The following TRAF3 variants were observed in gnomAD, a reference collection of about 807,000 sequenced individuals.
TRAF3 encodes TNF receptor associated factor 3.
A neutral mutation model predicts 62.3 loss-of-function variants in TRAF3; 13 were observed. That is an observed-to-expected ratio of 0.21 (90% CI 0.14 to 0.33). TRAF3 has a LOEUF of 0.33. Among genes scored for constraint, TRAF3 ranks in the 10% least tolerant of loss-of-function variants. The pLI, the probability that TRAF3 is intolerant of heterozygous loss-of-function variation, is 1.00. For synonymous variants in TRAF3, 269 were observed against 283.4 expected, an observed-to-expected ratio of 0.95 and a Z score of 0.51; for missense variants, 440 against 741.8, an observed-to-expected ratio of 0.59 and a Z score of 4.73.
At chr14:102,886,351 C>A in intron 7 of TRAF3, 82 bp downstream of exon 7, 1 of 1,256,736 alleles carries the variant, frequency 8.0e-7, no homozygotes, top group Non-Finnish European at 1.1e-6. Context: ...ATAGCCGAAG[C>A]CTCACGTTTT....
At chr14:102,800,270 A>G (rs777898763) in intron 1 of TRAF3, among the ~76,000 whole-genome samples, 7 of 152,214 alleles carry the variant, frequency 4.6e-5, no homozygotes, top group Non-Finnish European at 8.8e-5. Context: ...CAGGAGCCCC[A>G]GTGCTTTAGG....
At chr14:102,846,681 T>A (rs1005974603) in intron 2 of TRAF3, among the ~76,000 whole-genome samples, 1 of 139,872 alleles carries the variant, frequency 7.1e-6, no homozygotes, top group African/African-American at 2.8e-5. Context: ...CCGGACACGG[T>A]GGCATCCTCC....
At chr14:102,832,212 A>T (rs140126593) in intron 2 of TRAF3, among the ~76,000 whole-genome samples, 11 of 152,188 alleles carry the variant, frequency 7.2e-5, no homozygotes, top group African/African-American at 2.7e-4. Context: ...ATAAACTCAC[A>T]GTTATCTTTT....
At chr14:102,858,308 C>T (rs957959963) in intron 2 of TRAF3, among the ~76,000 whole-genome samples, 6 of 152,144 alleles carry the variant, frequency 3.9e-5, no homozygotes, top group Admixed American at 2.6e-4. Context: ...CGCACCACCA[C>T]GCCCAGCTAA....
chr14:102,881,959 C>T (rs1595391593), intron 6 of TRAF3, among the ~76,000 whole-genome samples: 1 of 152,170 alleles, frequency 6.6e-6, no homozygotes, highest in Non-Finnish European at 1.5e-5. Flanking sequence ...TGGCGTCAGA[C>T]CCTGCCCTGG....
intron 11 of TRAF3, among the ~76,000 whole-genome samples, chr14:102,904,683 G>A (rs1352751909): frequency 9.9e-5 from 15 of 152,096 alleles, no homozygotes; most frequent in East Asian, 1.9e-4. Flanking sequence ...GGTGGCGGGC[G>A]CCTGTAGTCC....
At chr14:102,837,151 G>GA in intron 2 of TRAF3, among the ~76,000 whole-genome samples, 1 of 85,840 alleles carries the variant, frequency 1.2e-5, no homozygotes, top group South Asian at 4.3e-4. Flanking sequence ...TGTTTTTTTT[G>GA]GGGGGGGGTG....
intron 1 of TRAF3, among the ~76,000 whole-genome samples, chr14:102,783,435 C>T (rs1022300243): frequency 6.6e-6 from 1 of 152,090 alleles, no homozygotes; most frequent in African/African-American, 2.4e-5. Flanking sequence ...TCCAGTAATT[C>T]CCAGAAATTA....
At chr14:102,874,110 A>T (rs1158706665) in intron 4 of TRAF3, among the ~76,000 whole-genome samples, 1 of 152,172 alleles carries the variant, frequency 6.6e-6, no homozygotes, top group Admixed American at 6.5e-5. Context: ...AATGAAAATT[A>T]AAAAGTTACC....
chr14:102,887,770 A>AT (rs1429393605), intron 7 of TRAF3, among the ~76,000 whole-genome samples: 1 of 151,338 alleles, frequency 6.6e-6, no homozygotes, highest in Non-Finnish European at 1.5e-5. Context: ...AATTTCTTGT[A>AT]TTTTTTAGTA....
intron 1 of TRAF3, among the ~76,000 whole-genome samples, chr14:102,783,739 A>C (rs572084504): frequency 3.9e-5 from 6 of 152,156 alleles, no homozygotes; most frequent in Admixed American, 3.9e-4. Context: ...TGTCCACCCC[A>C]CAGCTGGAGA....
rs932591310 is a variant in TRAF3, at chr14:102,907,601, C to T, written c.*1817C>T. ...CACAATTGGCCAGCTGGGCCGTGCA[C>T]GTCAGACTGCCTGCCTCGGCTCTCC... On this transcript the variant is annotated 3_prime_UTR_variant, in exon 12 of 12. Transcript: ENST00000392745. 5 of 152,316 alleles carry T rather than the reference C, an allele frequency of 3.3e-5. No individual in the cohort carries two copies. Among genetic ancestry groups the T allele is most frequent in the South Asian group, 2.1e-4 (1 of 4,834 alleles). 9.4% of individuals were successfully genotyped at this position (152,316 alleles called of 1,614,324 possible). A position where few individuals can be genotyped will look rare whatever the true frequency, so the allele number is the denominator to read the frequency against.
At chr14:102,787,329 A>G (rs1897556189) in intron 1 of TRAF3, among the ~76,000 whole-genome samples, 1 of 152,230 alleles carries the variant, frequency 6.6e-6, no homozygotes, top group East Asian at 1.9e-4. Context: ...GAATTTTTAT[A>G]TATTTAAATT....
At chr14:102,820,616 T>TA (rs1899913065) in intron 1 of TRAF3, among the ~76,000 whole-genome samples, 7 of 21,648 alleles carry the variant, frequency 3.2e-4, no homozygotes, top group African/African-American at 7.9e-4. Flanking sequence ...ATATATATAT[T>TA]TTTTTTTTTT....
chr14:102,882,436 C>T (rs570251748), intron 6 of TRAF3, among the ~76,000 whole-genome samples: 1 of 152,156 alleles, frequency 6.6e-6, no homozygotes, highest in South Asian at 2.1e-4. Context: ...TGCATCTGCC[C>T]CTGCCTCTCA....
chr14:102,874,815 G>A (rs1451083431), intron 4 of TRAF3, among the ~76,000 whole-genome samples: 1 of 151,800 alleles, frequency 6.6e-6, no homozygotes, highest in Non-Finnish European at 1.5e-5. Context: ...GCCTTGCCCA[G>A]CTAATTTTTT....
At chr14:102,797,015 T>C (rs552580742) in intron 1 of TRAF3, among the ~76,000 whole-genome samples, 5 of 152,072 alleles carry the variant, frequency 3.3e-5, no homozygotes, top group Admixed American at 6.5e-5. Flanking sequence ...GTGACCAGCA[T>C]AGGGGCCAAA....
intron 10 of TRAF3, among the ~76,000 whole-genome samples, chr14:102,900,606 G>A (rs1172484690): frequency 3.3e-5 from 5 of 152,246 alleles, no homozygotes; most frequent in Non-Finnish European, 5.9e-5. Flanking sequence ...CAGGGCACAC[G>A]TAGAGGAGCA....
intron 2 of TRAF3, among the ~76,000 whole-genome samples, chr14:102,834,717 C>T (rs1040587012): frequency 5.6e-5 from 8 of 142,916 alleles, no homozygotes; most frequent in Non-Finnish European, 1.1e-4. Context: ...AGAAATTGGA[C>T]CCCTTCCCTA....
Sources: gnomAD v4.1 joint callset for allele counts (sites outside exome capture counted in the v4.1 genomes callset) on GRCh38, gnomAD v4.1.1 for gene constraint, MANE v1.5 for transcripts, NCBI Gene and HGNC (gene_info 2026-07-23, HGNC 2026-07-21) for gene names.